Variants in CRB1 observed in about 807,000 individuals in gnomAD.
CRB1 encodes the protein protein crumbs homolog 1.
In CRB1, 83 loss-of-function variants were observed where a neutral mutation model predicts 120.0. That is an observed-to-expected ratio of 0.69 (90% CI 0.58 to 0.83). The LOEUF (loss-of-function observed/expected upper bound fraction) is 0.83. CRB1 is among the 40% of genes least tolerant of loss of function. The pLI is 0.00. For missense variants in CRB1, 1,699 were observed against 1,687.6 expected, an observed-to-expected ratio of 1.01 and a Z score of -0.12; for synonymous variants, 625 against 612.5, an observed-to-expected ratio of 1.02 and a Z score of -0.30.
At chr1:197,365,816 A>C (rs138183885) in intron 5 of CRB1, among the ~76,000 whole-genome samples, 43 of 152,056 alleles carry the variant, frequency 2.8e-4, no homozygotes, top group African/African-American at 1.0e-3. Context: ...TCCTTGTGTT[A>C]TGCTGGAGGT....
intron 5 of CRB1, among the ~76,000 whole-genome samples, chr1:197,375,571 C>G (rs1337403300): frequency 6.6e-6 from 1 of 152,112 alleles, no homozygotes; most frequent in Non-Finnish European, 1.5e-5. Context: ...GGTATATGGA[C>G]TCTCCCAACA....
In CRB1 at chr1:197,387,559, G is replaced by A. The variant is rs146062821; in HGVS notation, c.1171+30546G>A. 5.0e-4 allele frequency among the ~76,000 whole-genome samples: 76 copies of A among 151,952 alleles called. No individual in the cohort carries two copies. In the East Asian group the frequency reaches 0.011, roughly 21 times the overall value. On this transcript the variant is annotated intron_variant, in intron 5 of 11. Transcript: ENST00000367400. ...GCTATATTTGATTTTGGCACCTGGCGTACTAAAAATGACTTGACCTTAGAT... is the reference window on the plus strand; with the variant it reads ...GCTATATTTGATTTTGGCACCTGGCATACTAAAAATGACTTGACCTTAGAT...
At chr1:197,313,189 T>C (rs899733196) in intron 1 of CRB1, among the ~76,000 whole-genome samples, 5 of 152,202 alleles carry the variant, frequency 3.3e-5, no homozygotes, top group Admixed American at 6.5e-5. Flanking sequence ...CATCAGATTT[T>C]GTGAGCACTC....
intron 6 of CRB1, among the ~76,000 whole-genome samples, chr1:197,423,623 T>G (rs1167597047): frequency 6.6e-6 from 1 of 152,174 alleles, no homozygotes; most frequent in Admixed American, 6.5e-5. Flanking sequence ...TAAGTGGTAA[T>G]GAGAACATGG....
upstream of CRB1, chr1:197,268,172 A>C: frequency 2.1e-6 from 1 of 482,376 alleles, no homozygotes. Flanking sequence ...CAGCCTGAAA[A>C]AATCTGCACC....
chr1:197,258,822 T>G, the CRB1 span, among the ~76,000 whole-genome samples: 1 of 152,206 alleles, frequency 6.6e-6, no homozygotes, highest in African/African-American at 2.4e-5. Context: ...TGCTTCATAG[T>G]GTTATGGTAG....
At chr1:197,212,275 C>A in the CRB1 span, among the ~76,000 whole-genome samples, 1 of 151,996 alleles carries the variant, frequency 6.6e-6, no homozygotes, top group African/African-American at 2.4e-5. Flanking sequence ...CCATCCTTAT[C>A]CAAGAGAAAT....
chr1:197,345,112 A>G (rs1000150137), intron 3 of CRB1, among the ~76,000 whole-genome samples: 2 of 152,234 alleles, frequency 1.3e-5, no homozygotes, highest in African/African-American at 4.8e-5. Flanking sequence ...CATATAAAAC[A>G]TTTTTAAAAG....
chr1:197,321,588 A>C (rs1484631630), intron 1 of CRB1, among the ~76,000 whole-genome samples: 1 of 152,236 alleles, frequency 6.6e-6, no homozygotes, highest in Non-Finnish European at 1.5e-5. Flanking sequence ...GGTATTCAAA[A>C]TGTCATCAAA....
the CRB1 span, among the ~76,000 whole-genome samples, chr1:197,252,532 T>A: frequency 1.3e-5 from 1 of 79,668 alleles, no homozygotes; most frequent in Admixed American, 1.5e-4. Context: ...AAAAAGCCAA[T>A]AGATTTTATA....
At chr1:197,452,090 A>G (rs1666001383) in intron 11 of CRB1, among the ~76,000 whole-genome samples, 1 of 152,238 alleles carries the variant, frequency 6.6e-6, no homozygotes, top group Non-Finnish European at 1.5e-5. Context: ...ATCTAATCCA[A>G]CTTCTTTATG....
At chr1:197,325,904 G>T (rs1244825477) in intron 1 of CRB1, among the ~76,000 whole-genome samples, 1 of 152,086 alleles carries the variant, frequency 6.6e-6, no homozygotes, top group Non-Finnish European at 1.5e-5. Context: ...TCCTTCTGCT[G>T]ACAAAGGATA....
chr1:197,264,825 A>G (rs1654596457), upstream of CRB1, among the ~76,000 whole-genome samples: 2 of 151,226 alleles, frequency 1.3e-5, no homozygotes, highest in South Asian at 4.2e-4. Context: ...GGGTTTCACC[A>G]TGTTGGCCAG....
intron 2 of CRB1, among the ~76,000 whole-genome samples, chr1:197,341,100 A>G (rs1659428819): frequency 6.6e-6 from 1 of 152,134 alleles, no homozygotes; most frequent in African/African-American, 2.4e-5. Flanking sequence ...CCATGATTCA[A>G]TTACCTCCCA....
chr1:197,342,930 C>T (rs372193091), intron 2 of CRB1, among the ~76,000 whole-genome samples: 4 of 152,144 alleles, frequency 2.6e-5, no homozygotes, highest in African/African-American at 9.7e-5. Flanking sequence ...GTAAAATAGC[C>T]ATGGAAAATC....
chr1:197,268,556 A>G, intron 1 of CRB1, 74 bp downstream of exon 1: 1 of 1,102,810 alleles, frequency 9.1e-7, no homozygotes, highest in Admixed American at 1.7e-5. Flanking sequence ...ATAATGGATA[A>G]TGTTGCATGT....
At chr1:197,226,905 C>T in the CRB1 span, among the ~76,000 whole-genome samples, 1 of 152,092 alleles carries the variant, frequency 6.6e-6, no homozygotes, top group African/African-American at 2.4e-5. Flanking sequence ...CTGATAAAAC[C>T]ATTGGATCTT....
At chr1:197,261,011 TA>T in the CRB1 span, among the ~76,000 whole-genome samples, 7 of 152,160 alleles carry the variant, frequency 4.6e-5, no homozygotes, top group African/African-American at 1.7e-4. Context: ...TAAAAATTTT[TA>T]AAGAGTTAAT....
chr1:197,380,908 G>A (rs571737048), intron 5 of CRB1, among the ~76,000 whole-genome samples: 6 of 152,290 alleles, frequency 3.9e-5, no homozygotes, highest in Admixed American at 3.9e-4. Flanking sequence ...CGCATCTCTC[G>A]TTGTTGAACT....
Sources: allele counts gnomAD v4.1 joint callset (sites outside exome capture counted in the v4.1 genomes callset), GRCh38; gene constraint gnomAD v4.1.1; transcripts MANE v1.5; gene names NCBI Gene and HGNC (gene_info 2026-07-23, HGNC 2026-07-21).